The following PCDHGB1 variants were observed in gnomAD, a reference collection of about 807,000 sequenced individuals.
The protein encoded by PCDHGB1 is protocadherin gamma-B1.
PCDHGB1 carries 34 observed loss-of-function variants against 56.6 expected under a neutral mutation model. That is an observed-to-expected ratio of 0.60 (90% confidence interval 0.46 to 0.80). The LOEUF is 0.80. PCDHGB1 is among the 30% of genes least tolerant of loss of function. The pLI is 0.00. For synonymous variants in PCDHGB1, 561 were observed against 505.9 expected, an observed-to-expected ratio of 1.11 and a Z score of -1.46; for missense variants, 1,278 against 1,204.6, an observed-to-expected ratio of 1.06 and a Z score of -0.90.
chr5:141,427,999 T>A, intron 1 of PCDHGB1: 1 of 1,601,186 alleles, frequency 6.2e-7, no homozygotes, highest in Non-Finnish European at 8.5e-7. Context: ...GGCTCCGCAC[T>A]CTTCGATATA....
At chr5:141,366,346 G>A in intron 1 of PCDHGB1, 1 of 1,613,932 alleles carries the variant, frequency 6.2e-7, no homozygotes, top group South Asian at 1.1e-5. Context: ...CTGACATCCT[G>A]GCTGACCTAG....
chr5:141,465,430 C>T (rs1212434943), intron 1 of PCDHGB1, among the ~76,000 whole-genome samples: 2 of 152,150 alleles, frequency 1.3e-5, no homozygotes, highest in Non-Finnish European at 2.9e-5. Context: ...AAGGTGGGCA[C>T]TTAATGATTA....
At chr5:141,409,047 G>T in intron 1 of PCDHGB1, 2 of 1,613,982 alleles carry the variant, frequency 1.2e-6, no homozygotes, top group Admixed American at 1.7e-5. Flanking sequence ...TACTACTTCC[G>T]AAGCACTGCC....
intron 1 of PCDHGB1, chr5:141,415,033 C>G (rs1207811183): frequency 1.2e-6 from 2 of 1,613,456 alleles, no homozygotes; most frequent in South Asian, 1.1e-5. Flanking sequence ...CGAGCCGGGA[C>G]TCTTCGCGGT....
chr5:141,423,572 G>T (rs1239529114), intron 1 of PCDHGB1: 2 of 1,613,510 alleles, frequency 1.2e-6, no homozygotes, highest in African/African-American at 1.3e-5. Context: ...ACGCTCATCA[G>T]CCAGGAGAGC....
intron 1 of PCDHGB1, among the ~76,000 whole-genome samples, chr5:141,386,303 T>G (rs938709302): frequency 6.6e-6 from 1 of 152,202 alleles, no homozygotes; most frequent in Non-Finnish European, 1.5e-5. Context: ...TTAGTAAAGC[T>G]CAGTATATCA....
At chr5:141,505,261 T>C in intron 2 of PCDHGB1, 132 bp from the exon 3 acceptor site, 1 of 1,505,282 alleles carries the variant, frequency 6.6e-7, no homozygotes. Context: ...GCCTCCTACC[T>C]TGCTGAGAGA....
chr5:141,427,865 G>A, intron 1 of PCDHGB1: 1 of 1,558,148 alleles, frequency 6.4e-7, no homozygotes. Flanking sequence ...GCGCCTTCGA[G>A]CTCACGATGC....
intron 1 of PCDHGB1, chr5:141,409,680 C>T (rs756713114): frequency 1.9e-6 from 3 of 1,613,242 alleles, no homozygotes; most frequent in African/African-American, 1.3e-5. Context: ...TCTATAGTGG[C>T]GAGTGACCTA....
intron 1 of PCDHGB1, chr5:141,395,450 C>A: frequency 1.6e-6 from 1 of 643,034 alleles, no homozygotes; most frequent in Non-Finnish European, 2.5e-6. Flanking sequence ...AAAGATTGTT[C>A]AACCATTTTA....
chr5:141,388,592 T>C (rs1435796614), intron 1 of PCDHGB1: 1 of 1,613,880 alleles, frequency 6.2e-7, no homozygotes, highest in Non-Finnish European at 8.5e-7. Context: ...CTGATGCCAA[T>C]GATAATGCTC....
chr5:141,441,973 C>A lies in PCDHGB1; in HGVS notation c.2410-52834C>A, dbSNP rs1457832429. The A allele has an allele frequency of 3.7e-5, 11 of 296,542 alleles. No individual in the cohort carries two copies. In the Admixed American group the frequency reaches 4.9e-4, roughly 13 times the overall value. 18.4% of individuals were successfully genotyped at this position (296,542 alleles called of 1,614,324 possible). A position where few individuals can be genotyped will look rare whatever the true frequency, so the allele number is the denominator to read the frequency against. ...GGCCAGCAAGCCCAGGCTCTTCAGC[C>A]TGGAATGCGCACCGACGAGGTGCTG... On this transcript the variant is annotated intron_variant, in intron 1 of 3. Coordinates refer to ENST00000523390, the MANE Select transcript of PCDHGB1 (RefSeq NM_018922.3).
At chr5:141,492,237 C>G (rs2099738580) in intron 1 of PCDHGB1, among the ~76,000 whole-genome samples, 1 of 152,206 alleles carries the variant, frequency 6.6e-6, no homozygotes, top group Admixed American at 6.5e-5. Flanking sequence ...TCCCTGCTGG[C>G]CACCCCCACG....
In PCDHGB1 at chr5:141,477,442, A is replaced by G; in HGVS notation, c.2410-17365A>G. The G allele has an allele frequency of 6.2e-7, 1 of 1,614,132 alleles. No individual in the cohort carries two copies. Among genetic ancestry groups the G allele is most frequent in the Non-Finnish European group, 8.5e-7 (1 of 1,180,022 alleles). ...CCCCTTCCCTCTCAGCCCTTACAAT[A>G]GTGCGTGTTCAAGTGTCCGACATCA... On this transcript the variant is annotated intron_variant, in intron 1 of 3. Coordinates refer to ENST00000523390, the MANE Select transcript of PCDHGB1 (RefSeq NM_018922.3). This position sits in a 1 kb window ranked among gnomAD's most constrained non-coding sequence, Gnocchi z 4.9.
rs1054850118 is a variant in PCDHGB1, at chr5:141,366,673, T to C, written c.2409+14004T>C. The C allele has an allele frequency of 6.2e-6, 10 of 1,614,120 alleles. No homozygotes were observed. The African/African-American group carries it at 1.3e-4, about 22-fold the overall frequency. The stretch of plus-strand genomic sequence containing the variant: ...CCAACTACGCAGACACGCTCCTTAG[T>C]GAAGAGAGCTGTGAGAAAAGCGAGC... On this transcript the variant is annotated intron_variant, in intron 1 of 3. Transcript: ENST00000523390.
chr5:141,492,398 C>T (rs1347317333), intron 1 of PCDHGB1, among the ~76,000 whole-genome samples: 2 of 152,244 alleles, frequency 1.3e-5, no homozygotes, highest in Non-Finnish European at 1.5e-5. Flanking sequence ...CCACTCGCAG[C>T]TCCCCTCTGC....
chr5:141,452,701 G>A (rs2098747163), intron 1 of PCDHGB1, among the ~76,000 whole-genome samples: 1 of 151,838 alleles, frequency 6.6e-6, no homozygotes, highest in Non-Finnish European at 1.5e-5. Context: ...TGTCAAGAAA[G>A]AAAGGAAGGA....
Position 141,487,660 on chromosome 5 carries a change from T to C in PCDHGB1, c.2410-7147T>C. Reference sequence around the variant, plus strand: ...AACAAATGCTTGAGGGTTATTCTGATCCAGGCATATGGCTAGGCCATGTCC... The same window carrying C: ...AACAAATGCTTGAGGGTTATTCTGACCCAGGCATATGGCTAGGCCATGTCC... On this transcript the variant is annotated intron_variant, in intron 1 of 3. Coordinates refer to ENST00000523390, the MANE Select transcript of PCDHGB1 (RefSeq NM_018922.3). The surrounding 1 kb of genome is among the most constrained non-coding windows in gnomAD (Gnocchi z 5.0). The C allele has an allele frequency of 6.2e-7, 1 of 1,613,442 alleles. No homozygotes were observed. The highest frequency in any genetic ancestry group is 8.5e-7 in the Non-Finnish European group (1 of 1,179,710).
intron 1 of PCDHGB1, among the ~76,000 whole-genome samples, chr5:141,434,452 G>T (rs2097695209): frequency 6.6e-6 from 1 of 152,334 alleles, no homozygotes; most frequent in African/African-American, 2.4e-5. Flanking sequence ...CTGGAAGGTA[G>T]TGGGTTTACC....
Sources: gnomAD v4.1 joint callset for allele counts (sites outside exome capture counted in the v4.1 genomes callset) on GRCh38, gnomAD v4.1.1 for gene constraint, Gnocchi (gnomAD v3.1) non-coding constraint, MANE v1.5 for transcripts, NCBI Gene and HGNC (gene_info 2026-07-23, HGNC 2026-07-21) for gene names.